ENAH: variants seen among roughly 807,000 people sequenced by gnomAD.
ENAH encodes the protein ENAH actin regulator.
A neutral mutation model predicts 78.7 loss-of-function variants in ENAH; 23 were observed. That is an observed-to-expected ratio of 0.29 (90% CI 0.21 to 0.41). The LOEUF (loss-of-function observed/expected upper bound fraction) is 0.41, where lower values mean the gene tolerates loss of function less well. ENAH is among the 10% of genes least tolerant of loss of function. The pLI, the probability that ENAH is intolerant of heterozygous loss-of-function variation, is 1.00. For missense variants in ENAH, 544 were observed against 691.0 expected (o/e 0.79, Z 2.39); for synonymous variants, 226 against 241.0 (o/e 0.94, Z 0.58).
rs185673785 is a variant in ENAH, at chr1:225,539,323, G to A, written c.350-8685C>T. On this transcript the variant is annotated intron_variant, in intron 3 of 13. Coordinates refer to ENST00000366843, the MANE Select transcript of ENAH (RefSeq NM_018212.6). ...CTTAACATACATCAGTTGGGGCAGG[G>A]AAAAAAATAGTAGCACTTCCATTCA... Among the ~76,000 whole-genome samples, 133 of 152,014 alleles carry A rather than the reference G, an allele frequency of 8.7e-4. 1 individual carries two copies. The highest frequency in any genetic ancestry group is 3.2e-3 in the African/African-American group (133 of 41,494).
intron 7 of ENAH, among the ~76,000 whole-genome samples, chr1:225,514,065 T>C (rs2096397815): frequency 6.6e-6 from 1 of 152,198 alleles, no homozygotes; most frequent in Non-Finnish European, 1.5e-5. Context: ...CAAATACTGG[T>C]AAAATGTTAA....
intron 4 of ENAH, among the ~76,000 whole-genome samples, chr1:225,525,098 T>C (rs1221607568): frequency 2.0e-5 from 3 of 152,226 alleles, no homozygotes; most frequent in African/African-American, 7.2e-5. Context: ...GAAGCAATTA[T>C]TTTCAATACT....
intron 3 of ENAH, among the ~76,000 whole-genome samples, chr1:225,542,816 G>C (rs1334458512): frequency 2.0e-5 from 3 of 152,078 alleles, no homozygotes; most frequent in African/African-American, 7.2e-5. Flanking sequence ...AGGAGTTCAA[G>C]AGCAGCCTGA....
intron 1 of ENAH, among the ~76,000 whole-genome samples, chr1:225,601,093 A>AGTTC (rs1400009986): frequency 1.3e-5 from 2 of 152,226 alleles, no homozygotes; most frequent in African/African-American, 4.8e-5. Context: ...AGGTCTTAAA[A>AGTTC]TATATTCAAC....
At chr1:225,572,439 G>A (rs1008675939) in intron 1 of ENAH, among the ~76,000 whole-genome samples, 1 of 152,116 alleles carries the variant, frequency 6.6e-6, no homozygotes, top group East Asian at 1.9e-4. Flanking sequence ...CTAAAAATAG[G>A]AATATTTCAA....
chr1:225,490,359 G>C lies in ENAH; in HGVS notation c.*7416C>G, dbSNP rs1341407998. On this transcript the variant is annotated 3_prime_UTR_variant, in exon 14 of 14. Coordinates refer to ENST00000366843, the MANE Select transcript of ENAH (RefSeq NM_018212.6). ...AGGCCGAGGCGGGCAGATCACCTGA[G>C]CTCAGGAGTTCAAGACCAGCCTGGG... 1 of 152,186 alleles carries C rather than the reference G, an allele frequency of 6.6e-6. No individual in the cohort carries two copies. The highest frequency in any genetic ancestry group is 1.9e-4 in the East Asian group (1 of 5,196). The allele number at this position is 152,186 out of a possible 1,614,324, so 9.4% of individuals were successfully genotyped here.
rs72753046 is a variant in ENAH at position 225,590,558 on chromosome 1, T to C, written c.6-23144A>G. 1.1e-3 allele frequency among the ~76,000 whole-genome samples: 161 copies of C among 152,298 alleles called. 1 individual carries two copies. The highest frequency in any genetic ancestry group is 2.8e-3 in the Admixed American group (43 of 15,300). On this transcript the variant is annotated intron_variant, in intron 1 of 13. Transcript: ENST00000366843. ...TGCCTATTATGTGTTTCTACTTAGATATCATACATACCTCAAAATACAACC... is the reference window on the plus strand; with the variant it reads ...TGCCTATTATGTGTTTCTACTTAGACATCATACATACCTCAAAATACAACC...
chr1:225,600,740 C>T (rs1327766829), intron 1 of ENAH, among the ~76,000 whole-genome samples: 3 of 151,966 alleles, frequency 2.0e-5, no homozygotes, highest in African/African-American at 4.8e-5. Context: ...CGCCCGGAGT[C>T]CCAGCTACTG....
At chr1:225,632,620 CATTAT>C (rs1009225665) in intron 1 of ENAH, among the ~76,000 whole-genome samples, 3 of 151,984 alleles carry the variant, frequency 2.0e-5, no homozygotes, top group African/African-American at 7.3e-5. Flanking sequence ...TTTAAAAGCA[CATTAT>C]ATTTGCAAGC....
chr1:225,515,641 A>G (rs541934017), intron 6 of ENAH, among the ~76,000 whole-genome samples: 6 of 152,386 alleles, frequency 3.9e-5, no homozygotes, highest in South Asian at 4.1e-4. Flanking sequence ...AATTTATTTA[A>G]TAACAGAATC....
chr1:225,516,377 G>T (rs1364534591), intron 6 of ENAH, among the ~76,000 whole-genome samples: 1 of 152,046 alleles, frequency 6.6e-6, no homozygotes, highest in Non-Finnish European at 1.5e-5. Context: ...TCCAACATGG[G>T]GCATCTAATA....
intron 1 of ENAH, among the ~76,000 whole-genome samples, chr1:225,591,647 C>G (rs540799451): frequency 2.6e-5 from 4 of 151,120 alleles, no homozygotes; most frequent in Non-Finnish European, 5.9e-5. Flanking sequence ...CGCCTGTAGT[C>G]CCAGCTACTT....
At chr1:225,508,915 C>G (rs889094771) in intron 10 of ENAH, among the ~76,000 whole-genome samples, 1 of 152,140 alleles carries the variant, frequency 6.6e-6, no homozygotes, top group South Asian at 2.1e-4. Context: ...GGTAGCTTAC[C>G]GTCTCTTCAA....
At chr1:225,577,208 T>A (rs911060905) in intron 1 of ENAH, among the ~76,000 whole-genome samples, 1 of 152,190 alleles carries the variant, frequency 6.6e-6, no homozygotes, top group Non-Finnish European at 1.5e-5. Flanking sequence ...TTTTTAAGGA[T>A]ACCAAACTTG....
At chr1:225,549,641 T>G (rs762388159) in intron 3 of ENAH, among the ~76,000 whole-genome samples, 2 of 151,728 alleles carry the variant, frequency 1.3e-5, no homozygotes, top group Non-Finnish European at 2.9e-5. Context: ...AGGGTTGTTA[T>G]AAAGATGATT....
At chr1:225,603,555 G>A (rs1395427179) in intron 1 of ENAH, among the ~76,000 whole-genome samples, 1 of 151,992 alleles carries the variant, frequency 6.6e-6, no homozygotes, top group Non-Finnish European at 1.5e-5. Flanking sequence ...TTCAGTACTA[G>A]TATCAAACTT....
chr1:225,533,281 G>A (rs1300016681), intron 3 of ENAH, among the ~76,000 whole-genome samples: 1 of 152,100 alleles, frequency 6.6e-6, no homozygotes, highest in African/African-American at 2.4e-5. Flanking sequence ...ATGACATGAA[G>A]CAGCAACTAG....
chr1:225,615,233 C>CG (rs1168991389), intron 1 of ENAH, among the ~76,000 whole-genome samples: 1 of 151,720 alleles, frequency 6.6e-6, no homozygotes, highest in Non-Finnish European at 1.5e-5. Flanking sequence ...TCGGTGGAGA[C>CG]GGGGTTTCGC....
intron 1 of ENAH, among the ~76,000 whole-genome samples, chr1:225,575,887 T>TG (rs2096785360): frequency 6.6e-6 from 1 of 152,268 alleles, no homozygotes; most frequent in South Asian, 2.1e-4. Flanking sequence ...TCTGTAAACT[T>TG]GGAGTAAGAG....
Sources: allele counts gnomAD v4.1 joint callset (sites outside exome capture counted in the v4.1 genomes callset), GRCh38; gene constraint gnomAD v4.1.1; transcripts MANE v1.5; gene names NCBI Gene and HGNC (gene_info 2026-07-23, HGNC 2026-07-21).